Variants in RASSF3 observed in about 807,000 individuals in gnomAD.
RASSF3 encodes the protein Ras association domain family member 3, also known as ras association domain-containing protein 3.
Under a neutral mutation model 19.9 loss-of-function variants are expected in RASSF3, and 19 were observed. That is an observed-to-expected ratio of 0.96 (90% CI 0.67 to 1.40). RASSF3 has a LOEUF of 1.40. Ranked by LOEUF, RASSF3 falls within the 40% of genes most tolerant of loss-of-function variation. The pLI is 0.00. For synonymous variants in RASSF3, 110 were observed against 104.2 expected, an observed-to-expected ratio of 1.06 and a Z score of -0.34; for missense variants, 306 against 289.8, an observed-to-expected ratio of 1.06 and a Z score of -0.41.
intron 2 of RASSF3, among the ~76,000 whole-genome samples, chr12:64,591,411 G>C (rs2136140704): frequency 6.6e-6 from 1 of 152,018 alleles, no homozygotes; most frequent in East Asian, 1.9e-4. Flanking sequence ...GGGAGGCGGA[G>C]GTTGCAGTGA....
chr12:64,608,591 C>T (rs946590751), upstream of RASSF3, among the ~76,000 whole-genome samples: 1 of 152,210 alleles, frequency 6.6e-6, no homozygotes, highest in Admixed American at 6.5e-5. Flanking sequence ...AGCCATCGCG[C>T]CCGGCCAATA....
chr12:64,613,903 G>T (rs1411131502), intron 1 of RASSF3, among the ~76,000 whole-genome samples: 1 of 152,010 alleles, frequency 6.6e-6, no homozygotes, highest in Admixed American at 6.6e-5. Context: ...AGCTGTGATC[G>T]CACCACTGCA....
intron 2 of RASSF3, among the ~76,000 whole-genome samples, chr12:64,571,738 G>A (rs1488223795): frequency 3.3e-5 from 5 of 151,086 alleles, no homozygotes; most frequent in African/African-American, 4.9e-5. Flanking sequence ...CTTTTTTTTT[G>A]TGCTGTTCCA....
intron 1 of RASSF3, chr12:64,533,454 G>A (rs1041554791): frequency 3.3e-5 from 5 of 152,194 alleles, no homozygotes; most frequent in African/African-American, 1.2e-4. Flanking sequence ...TGGCTTTCAG[G>A]GCTAGGGATG....
intron 2 of RASSF3, among the ~76,000 whole-genome samples, chr12:64,554,611 G>A (rs1268953963): frequency 2.6e-5 from 4 of 152,036 alleles, no homozygotes; most frequent in Non-Finnish European, 5.9e-5. Flanking sequence ...GGCCCAAAAT[G>A]TGTTTTAAAT....
chr12:64,529,167 T>C (rs1484805821), upstream of RASSF3, among the ~76,000 whole-genome samples: 1 of 152,254 alleles, frequency 6.6e-6, no homozygotes, highest in Non-Finnish European at 1.5e-5. Flanking sequence ...ACAGAATACT[T>C]AGACCTTAAA....
intron 1 of RASSF3, chr12:64,611,624 CCACGCTCACATCA>C (rs1445162666): frequency 6.6e-6 from 1 of 152,244 alleles, no homozygotes; most frequent in Non-Finnish European, 1.5e-5. Flanking sequence ...GCCAACCCGG[CCACGCTCACATCA>C]GATTACAGAA....
intron 1 of RASSF3, among the ~76,000 whole-genome samples, chr12:64,611,278 C>T (rs1870353987): frequency 6.6e-6 from 1 of 152,214 alleles, no homozygotes; most frequent in African/African-American, 2.4e-5. Flanking sequence ...GCCTCGCCAC[C>T]ATAGGCTCTC....
chr12:64,670,498 T>C (rs998868193), intron 1 of RASSF3, among the ~76,000 whole-genome samples: 1 of 150,060 alleles, frequency 6.7e-6, no homozygotes, highest in Non-Finnish European at 1.5e-5. Context: ...ATCTCACCAA[T>C]CAGGCAGAAA....
chr12:64,689,220 G>GGTGTGTGTGTGT (rs10688391), intron 3 of RASSF3, among the ~76,000 whole-genome samples: 2,610 of 147,508 alleles, frequency 0.018, 20 homozygotes, highest in Middle Eastern at 0.042. Context: ...TTGAAATCGG[G>GGTGTGTGTGTGT]GTGTGTGTGT....
intron 2 of RASSF3, among the ~76,000 whole-genome samples, chr12:64,559,317 C>T (rs1297951501): frequency 2.0e-5 from 3 of 148,826 alleles, no homozygotes; most frequent in Non-Finnish European, 1.5e-5. Flanking sequence ...GATCTCGGTT[C>T]ACTGCAACCT....
downstream of RASSF3, among the ~76,000 whole-genome samples, chr12:64,543,481 C>CGCCCG (rs1592395606): frequency 2.4e-5 from 2 of 83,500 alleles, no homozygotes; most frequent in Non-Finnish European, 5.0e-5. Flanking sequence ...CCTGCCCACC[C>CGCCCG]CCCACTCCCC....
At chr12:64,625,496 G>A (rs1316357363) in intron 1 of RASSF3, among the ~76,000 whole-genome samples, 1 of 150,972 alleles carries the variant, frequency 6.6e-6, no homozygotes, top group African/African-American at 2.4e-5. Context: ...CTCTGATCAC[G>A]GGATCCTGGT....
intron 1 of RASSF3, among the ~76,000 whole-genome samples, chr12:64,622,216 A>AT (rs35037944): frequency 0.11 from 14,715 of 134,402 alleles, 937 homozygotes; most frequent in East Asian, 0.29. Flanking sequence ...ATGTCCAGCT[A>AT]TTTTTTTTTT....
At chr12:64,618,251 GTTTTTCTTAAT>G (rs1213083531) in intron 1 of RASSF3, among the ~76,000 whole-genome samples, 2 of 152,070 alleles carry the variant, frequency 1.3e-5, no homozygotes, top group Non-Finnish European at 2.9e-5. Context: ...AGTATTCCAG[GTTTTTCTTAAT>G]AGTTTAAACA....
chr12:64,526,084 G>A (rs1868580184), intron 1 of RASSF3, among the ~76,000 whole-genome samples: 1 of 152,118 alleles, frequency 6.6e-6, no homozygotes, highest in Non-Finnish European at 1.5e-5. Flanking sequence ...TATCTGGGGT[G>A]ATTATTCATA....
At chr12:64,544,102 C>G (rs533098913), downstream of RASSF3, among the ~76,000 whole-genome samples, 1 of 152,100 alleles carries the variant, frequency 6.6e-6, no homozygotes, top group Admixed American at 6.5e-5. Context: ...CCGCACAGTT[C>G]TTTAGGTGTT....
At chr12:64,541,158 G>A (rs754059135) in intron 1 of RASSF3, among the ~76,000 whole-genome samples, 17 of 148,914 alleles carry the variant, frequency 1.1e-4, no homozygotes, top group Non-Finnish European at 2.5e-4. Context: ...GCTGATTTTT[G>A]TATTTTTAAC....
chr12:64,670,887 C>T (rs1418093524), intron 1 of RASSF3, among the ~76,000 whole-genome samples: 3 of 152,200 alleles, frequency 2.0e-5, no homozygotes, highest in African/African-American at 4.8e-5. Flanking sequence ...CGGATAGACC[C>T]GGGTAGGAAC....
Sources: allele counts gnomAD v4.1 joint callset (sites outside exome capture counted in the v4.1 genomes callset), GRCh38; gene constraint gnomAD v4.1.1; transcripts MANE v1.5; gene names NCBI Gene and HGNC (gene_info 2026-07-23, HGNC 2026-07-21).